The following VCX variants were observed in gnomAD, a reference collection of about 807,000 sequenced individuals.
VCX encodes the protein variable charge X-linked, also known as variable charge X-linked protein 1.
For missense variants in VCX, 45 were observed against 171.8 expected, an observed-to-expected ratio of 0.26 and a Z score of 4.13; for synonymous variants, 17 against 79.4, an observed-to-expected ratio of 0.21 and a Z score of 4.18.
rs748668152 is a variant in VCX at position 7,843,323 on chromosome X, G to A, written c.102+18G>A. 2 of 1,196,392 alleles carry A rather than the reference G, an allele frequency of 1.7e-6. No homozygotes were observed. The highest frequency in any genetic ancestry group is 3.0e-5 in the East Asian group (1 of 33,614). ...AGAAGAAGGTGAGTGACCCTCCCAAGCTCCTCCTCGTCTTCCCCTCGCCTC... is the reference window on the plus strand; with the variant it reads ...AGAAGAAGGTGAGTGACCCTCCCAAACTCCTCCTCGTCTTCCCCTCGCCTC... On this transcript the variant is annotated intron_variant, in intron 1 of 1. Transcript: ENST00000688183.
In VCX at chrX:7,843,957, A is replaced by C. The variant is rs756780755; in HGVS notation, c.562A>C (p.Ser188Arg). 2 of 791,398 alleles carry C rather than the reference A, an allele frequency of 2.5e-6. No individual in the cohort carries two copies. The highest frequency in any genetic ancestry group is 3.5e-6 in the Non-Finnish European group (2 of 568,659). The allele number at this position is 791,398 out of a possible 1,213,427, so 65.2% of individuals were successfully genotyped here. The change falls in exon 2 of 2, where the codon AGC becomes CGC. Residue 188 changes from serine (S) to arginine (R), a missense_variant. By Grantham distance (110) the Ser-to-Arg change is moderately radical. Coordinates refer to ENST00000688183, the MANE Select transcript of VCX (RefSeq NM_001393662.1). Reference sequence around the variant, plus strand: ...GATGGAAGAACCACTGAGTCAGGAGAGCCAGGTGGAGGAACCACCGAGTCA... The same window carrying C: ...GATGGAAGAACCACTGAGTCAGGAGCGCCAGGTGGAGGAACCACCGAGTCA... ...SEMEEPLSQESQVEEPPSQES... is the reference protein window; with the variant it reads ...SEMEEPLSQERQVEEPPSQES...
At chrX:7,843,359 A>G (rs199718442) in intron 1 of VCX, 54 bp downstream of exon 1, 43,160 of 1,104,058 alleles carry the variant, frequency 0.039, 52 homozygotes, top group Middle Eastern at 0.046. Context: ...CTTCCTCACA[A>G]GAAGCCTCTC....
chrX:7,843,836 GA>G lies in VCX; in HGVS notation c.442del (p.Ser148AlafsTer7), dbSNP rs1922497800. 1 of 885,999 alleles carries G rather than the reference GA, an allele frequency of 1.1e-6. No individual in the cohort carries two copies. The highest frequency in any genetic ancestry group is 1.6e-6 in the Non-Finnish European group (1 of 635,357). The allele number at this position is 885,999 out of a possible 1,213,427, so 73.0% of individuals were successfully genotyped here. A position where few individuals can be genotyped will look rare whatever the true frequency, so the allele number is the denominator to read the frequency against. On this transcript the variant is annotated frameshift_variant, in exon 2 of 2. Coordinates refer to ENST00000688183, the MANE Select transcript of VCX (RefSeq NM_001393662.1). LOFTEE classifies it low-confidence loss of function (END_TRUNC). ...SEVEEPLSQE[S>X]QVEEPLSQES... ...AGGTGGAAGAACCACTGAGTCAGGAGAGCCAGGTGGAGGAACCACTGAGTCA... is the reference window on the plus strand; with the variant it reads ...AGGTGGAAGAACCACTGAGTCAGGAGGCCAGGTGGAGGAACCACTGAGTCA...
chrX:7,842,380 C>CTTTTTT, upstream of VCX: 1 of 38,483 alleles, frequency 2.6e-5, no homozygotes, highest in Non-Finnish European at 4.2e-5. Context: ...TGATTGACGG[C>CTTTTTT]TTTTTTTTTT....
At chrX:7,843,135 AG>A, upstream of VCX, 4 of 1,104,207 alleles carry the variant, frequency 3.6e-6, no homozygotes, top group Non-Finnish European at 4.9e-6. Flanking sequence ...GGATCGCGAG[AG>A]GGGTATATAC....
At chrX:7,842,742 G>A (rs146245746), upstream of VCX, 14,098 of 192,466 alleles carry the variant, frequency 0.073, 698 homozygotes, top group East Asian at 0.2. Context: ...GGGATTTTAG[G>A]TAGGTCATAC....
chrX:7,843,809 CG>C lies in VCX; in HGVS notation c.415del (p.Glu139ArgfsTer6). 1 of 810,126 alleles carries C rather than the reference CG, an allele frequency of 1.2e-6. No individual in the cohort carries two copies. Among genetic ancestry groups the C allele is most frequent in the Non-Finnish European group, 1.7e-6 (1 of 589,019 alleles). 66.8% of individuals were successfully genotyped at this position (810,126 alleles called of 1,213,427 possible). On this transcript the variant is annotated frameshift_variant, in exon 2 of 2. Transcript: ENST00000688183. LOFTEE classifies it low-confidence loss of function (END_TRUNC). ...TGGAGGAACCACTGAGTCAGGAGAG[CG>C]AGGTGGAAGAACCACTGAGTCAGGA... The part of the protein sequence containing the change: ...QVEEPLSQES[E>X]VEEPLSQESQ...
chrX:7,843,153 G>T (rs370116307), upstream of VCX: 1 of 1,156,549 alleles, frequency 8.6e-7, no homozygotes, highest in Non-Finnish European at 1.2e-6. Flanking sequence ...ATACAGGGAG[G>T]CCAGGCAGCC....
chrX:7,842,764 A>C, upstream of VCX: 1 of 217,606 alleles, frequency 4.6e-6, no homozygotes, highest in Non-Finnish European at 8.2e-6. Context: ...GAAACCGGGT[A>C]ATGATGGCAG....
rs367899570 is a variant in VCX, at chrX:7,844,050, G to C, written c.*34G>C. Reference sequence around the variant, plus strand: ...GTACTCCCCTATCTCCGAGAGCAGCGACTAAGTTCAGGCCCAGCCGCCAGA... The same window carrying C: ...GTACTCCCCTATCTCCGAGAGCAGCCACTAAGTTCAGGCCCAGCCGCCAGA... On this transcript the variant is annotated 3_prime_UTR_variant, in exon 2 of 2. Transcript: ENST00000688183. 2 of 1,143,433 alleles carry C rather than the reference G, an allele frequency of 1.7e-6. No individual in the cohort carries two copies. The highest frequency in any genetic ancestry group is 2.3e-6 in the Non-Finnish European group (2 of 856,031). 94.2% of individuals were successfully genotyped at this position (1,143,433 alleles called of 1,213,427 possible). A position where few individuals can be genotyped will look rare whatever the true frequency, so the allele number is the denominator to read the frequency against.
Position 7,843,642 on chromosome X carries a change from G to A in VCX, c.247G>A (p.Glu83Lys). 8.9e-7 allele frequency: 1 copy of A among 1,128,696 alleles called. No homozygotes were observed. The highest frequency in any genetic ancestry group is 3.1e-5 in the East Asian group (1 of 32,680). The allele number at this position is 1,128,696 out of a possible 1,213,427, so 93.0% of individuals were successfully genotyped here. The change falls in exon 2 of 2, where the codon GAG (glutamate) becomes AAG (lysine). Residue 83 changes from glutamate to lysine, a missense_variant. Glu to Lys is a moderately conservative substitution (Grantham distance 56). Transcript: ENST00000688183. ...CGGCCCCAGCGACCAGCCCAGCCAG[G>A]AGCTCCCTCAGCACGAGCTGCCGCC... ...APGPSDQPSQ[E>K]LPQHELPPEE... is the part of the protein sequence containing the mutation.
At chrX:7,842,488 G>C (rs2529877), upstream of VCX, 10,192 of 107,408 alleles carry the variant, frequency 0.095, 541 homozygotes, top group Admixed American at 0.24. Context: ...CCGGGTTCCA[G>C]CGATTCTCCT....
chrX:7,842,375 G>C (rs1358653390), upstream of VCX: 1 of 84,304 alleles, frequency 1.2e-5, no homozygotes, highest in African/African-American at 4.5e-5. Context: ...ATGATTGATT[G>C]ACGGCTTTTT....
In VCX at chrX:7,843,846, G is replaced by C; in HGVS notation, c.451G>C (p.Glu151Gln). The C allele has an allele frequency of 2.1e-6, 2 of 952,248 alleles. No individual in the cohort carries two copies. The highest frequency in any genetic ancestry group is 2.9e-6 in the Non-Finnish European group (2 of 686,452). 78.5% of individuals were successfully genotyped at this position (952,248 alleles called of 1,213,427 possible). Residue 151 changes from glutamate to glutamine, a missense_variant, in exon 2 of 2, where the codon GAG becomes CAG. Transcript: ENST00000688183. ...EEPLSQESQV[E>Q]EPLSQESEVE... ...ACCACTGAGTCAGGAGAGCCAGGTG[G>C]AGGAACCACTGAGTCAGGAGAGCGA...
upstream of VCX, chrX:7,842,617 C>G (rs1157541269): frequency 8.0e-6 from 1 of 125,507 alleles, no homozygotes; most frequent in African/African-American, 3.3e-5. Flanking sequence ...AACTGCCGAC[C>G]TCAGGTGATC....
chrX:7,842,822 A>C (rs1236210998), upstream of VCX: 1 of 279,687 alleles, frequency 3.6e-6, no homozygotes, highest in East Asian at 6.8e-5. Flanking sequence ...CGGGGGAAAC[A>C]TGTGGCGGAA....
Position 7,843,993 on chromosome X carries a change from A to T in VCX, c.598A>T (p.Met200Leu). 2 of 1,025,804 alleles carry T rather than the reference A, an allele frequency of 1.9e-6. No individual in the cohort carries two copies. The highest frequency in any genetic ancestry group is 2.7e-6 in the Non-Finnish European group (2 of 753,333). The allele number at this position is 1,025,804 out of a possible 1,213,427, so 84.5% of individuals were successfully genotyped here. A position where few individuals can be genotyped will look rare whatever the true frequency, so the allele number is the denominator to read the frequency against. The change falls in exon 2 of 2, where the codon ATG becomes TTG. Residue 200 changes from methionine to leucine, a missense_variant. Transcript: ENST00000688183. ...GGAACCACCGAGTCAGGAGAGCGAG[A>T]TGGAAGAACTACCGAGTGTGTAGAC... ...VEEPPSQESE[M>L]EELPSV
rs1475163924 is a variant in VCX at position 7,843,318 on chromosome X, C to G, written c.102+13C>G. Reference sequence around the variant, plus strand: ...CCCGAAGAAGAAGGTGAGTGACCCTCCCAAGCTCCTCCTCGTCTTCCCCTC... The same window carrying G: ...CCCGAAGAAGAAGGTGAGTGACCCTGCCAAGCTCCTCCTCGTCTTCCCCTC... On this transcript the variant is annotated intron_variant, in intron 1 of 1. Transcript: ENST00000688183. The G allele has an allele frequency of 8.4e-7, 1 of 1,196,905 alleles. No individual in the cohort carries two copies. The highest frequency in any genetic ancestry group is 3.0e-5 in the East Asian group (1 of 33,639).
chrX:7,842,589 T>G (rs1490123253), upstream of VCX: 3 of 119,233 alleles, frequency 2.5e-5, no homozygotes, highest in African/African-American at 9.9e-5. Flanking sequence ...TTTCTCCATG[T>G]AGGTCAGGCT....
Sources: allele counts gnomAD v4.1 joint callset, GRCh38; gene constraint gnomAD v4.1.1; transcripts MANE v1.5; gene names NCBI Gene and HGNC (gene_info 2026-07-23, HGNC 2026-07-21).